The following CSPG4 variants were observed in gnomAD, a reference collection of about 807,000 sequenced individuals.
CSPG4 encodes chondroitin sulfate proteoglycan 4.
In CSPG4, 74 loss-of-function variants were observed where a neutral mutation model predicts 139.3. The ratio of observed to expected loss-of-function variants is 0.53; its 90% CI spans 0.44 to 0.64. CSPG4 has a LOEUF of 0.64. Ranked by LOEUF, CSPG4 falls within the 30% of genes least tolerant of loss-of-function variation. The probability of loss-of-function intolerance (pLI) is 0.00; values close to 1 mark genes in which losing one functional copy is unlikely to be tolerated. For synonymous variants in CSPG4, 1,234 were observed against 1,394.2 expected, an observed-to-expected ratio of 0.89 and a Z score of 2.56; for missense variants, 2,565 against 3,148.3, an observed-to-expected ratio of 0.81 and a Z score of 4.43.
rs1894071940 is a variant in CSPG4, at chr15:75,687,217, G to A, written c.3789+59C>T. ...AAGTCACGTGTGTTCCTGGCATGGA[G>A]GCTGGGAGAAGGCCCTCTACCTGGC... On this transcript the variant is annotated intron_variant, in intron 3 of 9. Coordinates refer to ENST00000308508, the MANE Select transcript of CSPG4 (RefSeq NM_001897.5). This position sits in a 1 kb window ranked among gnomAD's most constrained non-coding sequence, Gnocchi z 5.4. 1 of 1,592,114 alleles carries A rather than the reference G, an allele frequency of 6.3e-7. No individual in the cohort carries two copies. The highest frequency in any genetic ancestry group is 1.1e-5 in the South Asian group (1 of 90,120).
At chr15:75,708,863 CA>C (rs1166635744) in intron 1 of CSPG4, among the ~76,000 whole-genome samples, 1 of 152,182 alleles carries the variant, frequency 6.6e-6, no homozygotes, top group Admixed American at 6.5e-5. Flanking sequence ...CTCGTCTCTA[CA>C]AAAAATAATT....
Position 75,703,555 on chromosome 15 carries a change from C to A in CSPG4, c.88+9113G>T, listed in dbSNP as rs544971982. On this transcript the variant is annotated intron_variant, in intron 1 of 9. Transcript: ENST00000308508. ...TTCCCGGCAGTCTCCACGGGGAAGG[C>A]CCAGGCCTGTTGGAGGCAACGCAAT... 2.4e-4 allele frequency among the ~76,000 whole-genome samples: 36 copies of A among 152,280 alleles called. 1 individual carries two copies. In the East Asian group the frequency reaches 6.8e-3, roughly 29 times the overall value.
rs777172877 is a variant in CSPG4, at chr15:75,685,452, C to A, written c.4039G>T (p.Val1347Phe). 9 of 1,612,442 alleles carry A rather than the reference C, an allele frequency of 5.6e-6. No homozygotes were observed. The highest frequency in any genetic ancestry group is 7.6e-6 in the Non-Finnish European group (9 of 1,179,962). Residue 1347 changes from valine (V) to phenylalanine (F), a missense_variant, in exon 4 of 10, where the codon GTC becomes TTC. Val to Phe is a conservative substitution (Grantham distance 50). Around this residue, in one of 5 missense-constraint regions of CSPG4, gnomAD observed 2,316 missense variants for 2,818.2 expected, o/e 0.82. Coordinates refer to ENST00000308508, the MANE Select transcript of CSPG4 (RefSeq NM_001897.5). ...ASGLGAPLEG[V>F]LVELEVLPAA... ...GGCAGCACCTCCAGCTCCACAAGGA[C>A]GCCCTCGAGGGGAGCACCCAGGCCT...
At chr15:75,713,094 GC>G (rs2141445021), upstream of CSPG4, among the ~76,000 whole-genome samples, 1 of 152,318 alleles carries the variant, frequency 6.6e-6, no homozygotes, top group East Asian at 1.9e-4. Flanking sequence ...CTGAACTCTG[GC>G]CCCAAGAGCC....
intron 1 of CSPG4, among the ~76,000 whole-genome samples, chr15:75,704,245 ACCCAGAGG>A (rs1437174887): frequency 6.6e-6 from 1 of 151,602 alleles, no homozygotes; most frequent in Non-Finnish European, 1.5e-5. Context: ...TGAAGATTCC[ACCCAGAGG>A]CCCAGATAGG....
At chr15:75,707,246 C>T (rs192924610) in intron 1 of CSPG4, among the ~76,000 whole-genome samples, 203 of 152,222 alleles carry the variant, frequency 1.3e-3, no homozygotes, top group Non-Finnish European at 2.3e-3. Context: ...CGTGAGCCAC[C>T]GCGCCTGGCC....
At position 75,676,954 on chromosome 15, in the gene CSPG4, C is replaced by A; in HGVS notation, c.5565G>T (p.Gln1855His). ...CTGAGTCTGGGTCCACCACACTCAG[C>A]TGGGCCCGGGAGATGGGGGCACGAG... ...RGSRAPISRAQLSVVDPDSAP... is the reference protein window; with the variant it reads ...RGSRAPISRAHLSVVDPDSAP... The change falls in exon 10 of 10, where the codon CAG (glutamine) becomes CAT (histidine). Residue 1855 changes from glutamine (Q) to histidine (H), a missense_variant. Gln to His is a conservative substitution (Grantham distance 24). Transcript: ENST00000308508. 1 of 1,519,544 alleles carries A rather than the reference C, an allele frequency of 6.6e-7. No homozygotes were observed. The highest frequency in any genetic ancestry group is 8.9e-7 in the Non-Finnish European group (1 of 1,128,590). 94.1% of individuals were successfully genotyped at this position (1,519,544 alleles called of 1,614,324 possible).
chr15:75,699,106 C>G (rs981680423), intron 1 of CSPG4, among the ~76,000 whole-genome samples: 1 of 152,204 alleles, frequency 6.6e-6, no homozygotes, highest in Non-Finnish European at 1.5e-5. Flanking sequence ...GTCCCGTGAG[C>G]TACCGAAATG....
intron 2 of CSPG4, among the ~76,000 whole-genome samples, chr15:75,691,665 G>A (rs904635351): frequency 1.3e-5 from 2 of 152,168 alleles, no homozygotes; most frequent in South Asian, 2.1e-4. Context: ...GACCTGGGGT[G>A]GAAGGAGATC....
chr15:75,693,544 C>T (rs1489081870), intron 1 of CSPG4, among the ~76,000 whole-genome samples: 1 of 152,236 alleles, frequency 6.6e-6, no homozygotes, highest in Non-Finnish European at 1.5e-5. Flanking sequence ...AGCTCTGACT[C>T]GCCTCCCCTG....
intron 2 of CSPG4, 88 bp from the exon 3 acceptor site, chr15:75,690,900 A>G (rs1894157447): frequency 2.1e-6 from 3 of 1,415,612 alleles, no homozygotes; most frequent in African/African-American, 1.4e-5. Context: ...GCGTGATTGC[A>G]GTGGTGGCTC....
At chr15:75,701,892 TCTC>T in intron 1 of CSPG4, among the ~76,000 whole-genome samples, 2 of 152,098 alleles carry the variant, frequency 1.3e-5, no homozygotes, top group East Asian at 3.9e-4. Context: ...CGCACTGAAC[TCTC>T]CTCCTCCTCC....
rs570282852 is a variant in CSPG4, at chr15:75,687,423, G to A, written c.3642C>T (p.Ser1214=). The A allele has an allele frequency of 1.2e-5, 20 of 1,612,774 alleles. No individual in the cohort carries two copies. The highest frequency in any genetic ancestry group is 2.2e-5 in the East Asian group (1 of 44,878). ...CCGTGTGCACTGGCCCTGCTTCCAC[G>A]GAGAAGGCCATGGTGTCGCGGGGGC... ...SLSPRDTMAF[S]VEAGPVHTDA... is the part of the protein sequence containing the mutation. The change falls in exon 3 of 10, where the codon TCC becomes TCT. Residue 1214 remains serine, a synonymous_variant. Transcript: ENST00000308508. This position sits in a 1 kb window ranked among gnomAD's most constrained non-coding sequence, Gnocchi z 5.4.
At chr15:75,678,178 AG>A (rs1285651855) in intron 8 of CSPG4, among the ~76,000 whole-genome samples, 2 of 152,132 alleles carry the variant, frequency 1.3e-5, no homozygotes, top group Non-Finnish European at 2.9e-5. Flanking sequence ...TGCTCTCTAA[AG>A]CGAGTACTTC....
chr15:75,698,038 G>A lies in CSPG4; in HGVS notation c.89-4805C>T, dbSNP rs534537504. 2.0e-5 allele frequency among the ~76,000 whole-genome samples: 3 copies of A among 152,340 alleles called. No homozygotes were observed. In the South Asian group the frequency reaches 6.2e-4, roughly 32 times the overall value. ...GGAGACGGAGGAGGAAAACTCGAGG[G>A]AGACAGAGAAGGCGGGATGTTGGCA... On this transcript the variant is annotated intron_variant, in intron 1 of 9. Coordinates refer to ENST00000308508, the MANE Select transcript of CSPG4 (RefSeq NM_001897.5). This position sits in a 1 kb window ranked among gnomAD's most constrained non-coding sequence, Gnocchi z 4.3.
In CSPG4 at chr15:75,689,663, C is replaced by A. The variant is rs753167811; in HGVS notation, c.1402G>T (p.Val468Leu). ...LMEAELRKSQ[V>L]LFSVTRGARH... is the part of the protein sequence containing the mutation. Reference sequence around the variant, plus strand: ...GCCCCTCGGGTCACGCTGAACAGCACCTGGGATTTGCGCAGCTCAGCCTCC... The same window carrying A: ...GCCCCTCGGGTCACGCTGAACAGCAACTGGGATTTGCGCAGCTCAGCCTCC... Residue 468 changes from valine (V) to leucine (L), a missense_variant, in exon 3 of 10, where the codon GTG (valine) becomes TTG (leucine). By Grantham distance (32) the Val-to-Leu change is conservative (BLOSUM62 1). This residue lies in a region of CSPG4 where 2,316 missense variants were observed against 2,818.2 expected (regional missense o/e 0.82). Transcript: ENST00000308508. 4.3e-6 allele frequency: 7 copies of A among 1,612,938 alleles called. No individual in the cohort carries two copies. In the East Asian group the frequency reaches 1.6e-4, roughly 36 times the overall value.
chr15:75,689,795 C>T lies in CSPG4; in HGVS notation c.1270G>A (p.Val424Ile), dbSNP rs765553496. ...PCVPEPGLPP[V>I]FANFTQLLTI... ...AGCAGCTGGGTGAAATTGGCAAAGACAGGAGGCAGCCCTGGCTCAGGCACG... is the reference window on the plus strand; with the variant it reads ...AGCAGCTGGGTGAAATTGGCAAAGATAGGAGGCAGCCCTGGCTCAGGCACG... Residue 424 changes from valine (V) to isoleucine (I), a missense_variant, in exon 3 of 10, where the codon GTC becomes ATC. By Grantham distance (29) the Val-to-Ile change is conservative. Transcript: ENST00000308508. The T allele has an allele frequency of 3.7e-6, 6 of 1,612,604 alleles. No homozygotes were observed. The Admixed American group carries it at 5.0e-5, about 13-fold the overall frequency.
intron 1 of CSPG4, among the ~76,000 whole-genome samples, chr15:75,700,671 C>T (rs561359658): frequency 6.6e-6 from 1 of 152,268 alleles, no homozygotes; most frequent in South Asian, 2.1e-4. Flanking sequence ...GCCCATGGCT[C>T]ATCTCTGAGT....
Position 75,698,315 on chromosome 15 carries a change from T to C in CSPG4, c.89-5082A>G, listed in dbSNP as rs1245579985. Among the ~76,000 whole-genome samples, 1 of 133,588 alleles carries C rather than the reference T, an allele frequency of 7.5e-6. No homozygotes were observed. The highest frequency in any genetic ancestry group is 2.9e-5 in the African/African-American group (1 of 34,364). 87.6% of individuals were successfully genotyped at this position (133,588 alleles called of 152,430 possible). A position where few individuals can be genotyped will look rare whatever the true frequency, so the allele number is the denominator to read the frequency against. On this transcript the variant is annotated intron_variant, in intron 1 of 9. Coordinates refer to ENST00000308508, the MANE Select transcript of CSPG4 (RefSeq NM_001897.5). This position sits in a 1 kb window ranked among gnomAD's most constrained non-coding sequence, Gnocchi z 4.3. ...CTCTGTCTCCCCTCATAGGTGTGTA[T>C]GTGGTGGGGCGGGGGGTGGTCGTGG... is the stretch of plus-strand genomic sequence containing the variant.
Sources: gnomAD v4.1 joint callset for allele counts (sites outside exome capture counted in the v4.1 genomes callset) on GRCh38, gnomAD v4.1.1 for gene constraint, gnomAD v4.1.1 regional missense constraint, Gnocchi (gnomAD v3.1) non-coding constraint, MANE v1.5 for transcripts, NCBI Gene and HGNC (gene_info 2026-07-23, HGNC 2026-07-21) for gene names.